The following NKAIN2 variants were observed in gnomAD, a reference collection of about 807,000 sequenced individuals.
NKAIN2 encodes the protein sodium/potassium-transporting ATPase subunit beta-1-interacting protein 2.
A neutral mutation model predicts 32.6 loss-of-function variants in NKAIN2; 14 were observed. The ratio of observed to expected loss-of-function variants is 0.43; its 90% CI spans 0.28 to 0.67. The LOEUF is 0.67. NKAIN2 is among the 30% of genes least tolerant of loss of function. The pLI is 0.17. For synonymous variants in NKAIN2, 80 were observed against 87.2 expected (o/e 0.92, Z 0.46); for missense variants, 198 against 258.3 (o/e 0.77, Z 1.60).
intron 1 of NKAIN2, among the ~76,000 whole-genome samples, chr6:124,051,440 T>G (rs547354799): frequency 6.6e-6 from 1 of 152,148 alleles, no homozygotes; most frequent in African/African-American, 2.4e-5. Flanking sequence ...TTTTTTAAAT[T>G]ATACTTTAAG....
intron 1 of NKAIN2, among the ~76,000 whole-genome samples, chr6:123,867,442 C>G (rs1772591503): frequency 6.6e-6 from 1 of 152,200 alleles, no homozygotes; most frequent in Non-Finnish European, 1.5e-5. Context: ...GAGCTCAAGT[C>G]TAAATTCTGT....
At chr6:124,432,615 A>G (rs957168719) in intron 3 of NKAIN2, among the ~76,000 whole-genome samples, 1 of 152,132 alleles carries the variant, frequency 6.6e-6, no homozygotes, top group Non-Finnish European at 1.5e-5. Context: ...TCAAAAATCT[A>G]AACAAATAAA....
At chr6:124,443,323 A>G (rs9372776) in intron 3 of NKAIN2, among the ~76,000 whole-genome samples, 102,510 of 151,980 alleles carry the variant, frequency 0.67, 37,408 homozygotes, top group South Asian at 0.81. Flanking sequence ...GATATTCTCC[A>G]AGGTGTCCAG....
chr6:124,638,847 C>A (rs567279959), intron 3 of NKAIN2, among the ~76,000 whole-genome samples: 9 of 140,976 alleles, frequency 6.4e-5, no homozygotes, highest in Non-Finnish European at 1.2e-4. Flanking sequence ...GCTGAGATTG[C>A]ACCACTGCAC....
intron 1 of NKAIN2, among the ~76,000 whole-genome samples, chr6:124,004,072 G>A (rs1379951633): frequency 6.6e-6 from 1 of 152,192 alleles, no homozygotes; most frequent in African/African-American, 2.4e-5. Context: ...GCAAGTAATA[G>A]CATGTGCTAA....
At chr6:124,482,586 A>T (rs1777497176) in intron 3 of NKAIN2, among the ~76,000 whole-genome samples, 1 of 152,214 alleles carries the variant, frequency 6.6e-6, no homozygotes, top group Non-Finnish European at 1.5e-5. Flanking sequence ...GTATTTAAGC[A>T]AAAACTAAGG....
chr6:124,650,581 A>G (rs1784334030), intron 3 of NKAIN2, among the ~76,000 whole-genome samples: 1 of 152,160 alleles, frequency 6.6e-6, no homozygotes, highest in African/African-American at 2.4e-5. Flanking sequence ...GAGATATATG[A>G]GGGGAAAGAG....
intron 4 of NKAIN2, among the ~76,000 whole-genome samples, chr6:124,665,977 A>G (rs1772776852): frequency 6.6e-6 from 1 of 152,108 alleles, no homozygotes; most frequent in East Asian, 1.9e-4. Context: ...AGACTCTACA[A>G]CTGTTTTCTT....
chr6:124,051,442 T>C (rs1296016128), intron 1 of NKAIN2, among the ~76,000 whole-genome samples: 2 of 152,068 alleles, frequency 1.3e-5, no homozygotes, highest in Non-Finnish European at 2.9e-5. Flanking sequence ...TTTTAAATTA[T>C]ACTTTAAGTT....
intron 3 of NKAIN2, among the ~76,000 whole-genome samples, chr6:124,424,405 T>A (rs1054206100): frequency 6.6e-6 from 1 of 152,208 alleles, no homozygotes; most frequent in African/African-American, 2.4e-5. Context: ...TGTGTGTGTG[T>A]GTGATAAGTA....
chr6:123,991,887 T>A (rs7775932), intron 1 of NKAIN2, among the ~76,000 whole-genome samples: 62,094 of 151,286 alleles, frequency 0.41, 13,012 homozygotes, highest in East Asian at 0.61. Context: ...TGTATATATA[T>A]ACATATATAT....
intron 1 of NKAIN2, among the ~76,000 whole-genome samples, chr6:124,110,836 GA>G (rs2114969410): frequency 6.6e-6 from 1 of 152,174 alleles, no homozygotes; most frequent in East Asian, 1.9e-4. Flanking sequence ...TTGCTATTGT[GA>G]ATAGCGCTGA....
intron 2 of NKAIN2, among the ~76,000 whole-genome samples, chr6:124,319,080 T>C (rs1797072233): frequency 6.6e-6 from 1 of 152,020 alleles, no homozygotes; most frequent in African/African-American, 2.4e-5. Flanking sequence ...CCCACTGAGA[T>C]AGGATGCAAA....
intron 3 of NKAIN2, among the ~76,000 whole-genome samples, chr6:124,431,159 G>A (rs183557224): frequency 5.5e-4 from 83 of 152,268 alleles, no homozygotes; most frequent in African/African-American, 2.0e-3. Flanking sequence ...TCTGTAACAG[G>A]CAAAGGTTGC....
intron 5 of NKAIN2, among the ~76,000 whole-genome samples, chr6:124,808,662 G>A (rs907322817): frequency 1.3e-5 from 2 of 152,092 alleles, no homozygotes; most frequent in Non-Finnish European, 2.9e-5. Flanking sequence ...GGAAATAAAG[G>A]GTATTCAATA....
At chr6:124,266,420 G>A (rs1794496508) in intron 1 of NKAIN2, among the ~76,000 whole-genome samples, 1 of 152,064 alleles carries the variant, frequency 6.6e-6, no homozygotes, top group Admixed American at 6.6e-5. Context: ...TGGGACTACA[G>A]GCACACACCA....
At chr6:124,293,334 A>G (rs1523973) in intron 2 of NKAIN2, among the ~76,000 whole-genome samples, 45,059 of 151,818 alleles carry the variant, frequency 0.3, 9,203 homozygotes, top group African/African-American at 0.58. Flanking sequence ...TTTGATTGCT[A>G]TATTCAACTT....
chr6:124,739,391 CTGTGTGTG>C (rs146249002), intron 4 of NKAIN2, among the ~76,000 whole-genome samples: 21 of 151,332 alleles, frequency 1.4e-4, no homozygotes, highest in Non-Finnish European at 2.4e-4. Context: ...CTGTCTTATT[CTGTGTGTG>C]TGTGTGTTTG....
intron 1 of NKAIN2, among the ~76,000 whole-genome samples, chr6:123,827,683 A>T (rs1263101189): frequency 6.6e-6 from 1 of 152,166 alleles, no homozygotes; most frequent in African/African-American, 2.4e-5. Context: ...TGGTGCTATG[A>T]TTAACATAGT....
Sources: gnomAD v4.1 joint callset for allele counts (sites outside exome capture counted in the v4.1 genomes callset) on GRCh38, gnomAD v4.1.1 for gene constraint, MANE v1.5 for transcripts, NCBI Gene and HGNC (gene_info 2026-07-23, HGNC 2026-07-21) for gene names.